Variants in INTS9 observed in about 807,000 individuals in gnomAD.
INTS9 encodes protein related to CPSF subunits of 74 kDa.
A neutral mutation model predicts 79.7 loss-of-function variants in INTS9; 55 were observed. The ratio of observed to expected loss-of-function variants is 0.69; its 90% CI spans 0.56 to 0.86. The LOEUF is 0.86. Among genes scored for constraint, INTS9 ranks in the 40% least tolerant of loss-of-function variants. INTS9 has a pLI of 0.00. For missense variants in INTS9, 721 were observed against 831.5 expected (o/e 0.87, Z 1.64); for synonymous variants, 319 against 325.2 (o/e 0.98, Z 0.20).
chr8:28,840,283 C>T (rs1228582493), intron 4 of INTS9, among the ~76,000 whole-genome samples: 2 of 150,112 alleles, frequency 1.3e-5, no homozygotes, highest in South Asian at 4.2e-4. Flanking sequence ...ATTAAAAAGT[C>T]AGGAAACAAC....
chr8:28,803,199 T>G (rs989767682), intron 8 of INTS9, among the ~76,000 whole-genome samples: 1 of 152,182 alleles, frequency 6.6e-6, no homozygotes, highest in African/African-American at 2.4e-5. Flanking sequence ...CTGGGGAATT[T>G]CACATCTCAA....
intron 10 of INTS9, among the ~76,000 whole-genome samples, chr8:28,788,453 C>T (rs1050185372): frequency 2.6e-5 from 4 of 152,182 alleles, no homozygotes; most frequent in Non-Finnish European, 4.4e-5. Context: ...GAGTTTCGCT[C>T]TTGTTGCCCA....
At chr8:28,863,423 A>G (rs1339292696) in intron 1 of INTS9, among the ~76,000 whole-genome samples, 1 of 152,246 alleles carries the variant, frequency 6.6e-6, no homozygotes, top group Admixed American at 6.5e-5. Context: ...ATGGAAAAAT[A>G]TCTGAAAAGA....
intron 6 of INTS9, among the ~76,000 whole-genome samples, chr8:28,828,817 G>C (rs533426103): frequency 4.3e-4 from 65 of 152,090 alleles, no homozygotes; most frequent in Middle Eastern, 3.4e-3. Context: ...TCCTGCCTCA[G>C]CTCCCACGTA....
chr8:28,864,276 C>T (rs1388715463), intron 1 of INTS9, among the ~76,000 whole-genome samples: 3 of 152,116 alleles, frequency 2.0e-5, no homozygotes, highest in African/African-American at 7.2e-5. Context: ...ATTTGCTAGC[C>T]CATAATTCCA....
chr8:28,835,211 T>C (rs545193688), intron 6 of INTS9, 81 bp downstream of exon 6: 5 of 848,886 alleles, frequency 5.9e-6, no homozygotes, highest in South Asian at 1.6e-5. Context: ...TGTTTAAGCA[T>C]AGAGGAAGAA....
intron 1 of INTS9, among the ~76,000 whole-genome samples, chr8:28,880,277 T>TCCCTCTCC (rs1445899086): frequency 1.1e-5 from 1 of 91,646 alleles, no homozygotes; most frequent in African/African-American, 4.3e-5. Flanking sequence ...CCTCTCCCTC[T>TCCCTCTCC]CTCTCCCTCC....
At chr8:28,841,681 C>A (rs563570946) in intron 4 of INTS9, among the ~76,000 whole-genome samples, 1 of 152,234 alleles carries the variant, frequency 6.6e-6, no homozygotes, top group African/African-American at 2.4e-5. Flanking sequence ...CTACTAATAG[C>A]CTGTTGACTA....
chr8:28,862,993 G>C (rs977735624), intron 1 of INTS9, among the ~76,000 whole-genome samples: 3 of 152,198 alleles, frequency 2.0e-5, no homozygotes, highest in Admixed American at 6.5e-5. Flanking sequence ...CCTTGTAGCA[G>C]AGTTGCTGGG....
intron 1 of INTS9, among the ~76,000 whole-genome samples, chr8:28,871,925 G>A (rs972576966): frequency 1.3e-5 from 2 of 152,120 alleles, no homozygotes; most frequent in Non-Finnish European, 2.9e-5. Context: ...ACAGAAAAAT[G>A]TGCAAAAAGC....
intron 3 of INTS9, among the ~76,000 whole-genome samples, chr8:28,849,852 C>T (rs1233120046): frequency 2.6e-5 from 4 of 152,180 alleles, no homozygotes; most frequent in Non-Finnish European, 5.9e-5. Flanking sequence ...AAAGGTTTTA[C>T]TCTTTGCAAT....
intron 1 of INTS9, among the ~76,000 whole-genome samples, chr8:28,882,677 T>A (rs1202421210): frequency 1.3e-5 from 2 of 151,924 alleles, no homozygotes; most frequent in Admixed American, 1.3e-4. Context: ...TAAACATCAG[T>A]GATGAGAAAT....
At chr8:28,836,985 T>C (rs1806843227) in intron 5 of INTS9, among the ~76,000 whole-genome samples, 1 of 152,244 alleles carries the variant, frequency 6.6e-6, no homozygotes, top group Non-Finnish European at 1.5e-5. Flanking sequence ...AATTTTTTTT[T>C]CTGGAGTAAT....
intron 8 of INTS9, among the ~76,000 whole-genome samples, chr8:28,797,621 T>G (rs1405319253): frequency 2.0e-5 from 3 of 152,154 alleles, no homozygotes; most frequent in Admixed American, 2.0e-4. Flanking sequence ...TCAAAGCATT[T>G]CAAAAAATAT....
At chr8:28,790,008 C>T (rs1453346096) in intron 10 of INTS9, among the ~76,000 whole-genome samples, 2 of 152,214 alleles carry the variant, frequency 1.3e-5, no homozygotes, top group Non-Finnish European at 2.9e-5. Context: ...CCCAAACAAC[C>T]AAGCCCCTTA....
chr8:28,806,651 G>A (rs1382526435), intron 8 of INTS9, among the ~76,000 whole-genome samples: 1 of 152,170 alleles, frequency 6.6e-6, no homozygotes, highest in African/African-American at 2.4e-5. Flanking sequence ...AGTCCATCAG[G>A]ATATGTTTAT....
chr8:28,826,350 G>A (rs377336638), intron 6 of INTS9, among the ~76,000 whole-genome samples: 3 of 152,100 alleles, frequency 2.0e-5, no homozygotes, highest in African/African-American at 7.2e-5. Context: ...AATTATCAAC[G>A]TGTCCCGTCT....
At chr8:28,838,309 A>G (rs1364412098) in intron 4 of INTS9, among the ~76,000 whole-genome samples, 1 of 151,984 alleles carries the variant, frequency 6.6e-6, no homozygotes, top group African/African-American at 2.4e-5. Flanking sequence ...CGCCCTAAAA[A>G]GCGTAGTGGC....
Position 28,775,184 on chromosome 8 carries a change from C to A in INTS9, c.1563+575G>T, listed in dbSNP as rs150703576. On this transcript the variant is annotated intron_variant, in intron 14 of 16. Coordinates refer to ENST00000521022, the MANE Select transcript of INTS9 (RefSeq NM_018250.4). Reference sequence around the variant, plus strand: ...GACAGAGCGGGTGTCAGCATCTCCACTTCCCAGGGCTCTGACCCATGATGT... The same window carrying A: ...GACAGAGCGGGTGTCAGCATCTCCAATTCCCAGGGCTCTGACCCATGATGT... Among the ~76,000 whole-genome samples the A allele has an allele frequency of 4.3e-4, 65 of 152,326 alleles. No homozygotes were observed. The East Asian group carries it at 0.011, about 26-fold the overall frequency.
Sources: allele counts gnomAD v4.1 joint callset (sites outside exome capture counted in the v4.1 genomes callset), GRCh38; gene constraint gnomAD v4.1.1; transcripts MANE v1.5; gene names NCBI Gene and HGNC (gene_info 2026-07-23, HGNC 2026-07-21).